FOXP2: variants seen among roughly 807,000 people sequenced by gnomAD.
The protein encoded by FOXP2 is forkhead box protein P2.
A neutral mutation model predicts 115.8 loss-of-function variants in FOXP2; 12 were observed. The ratio of observed to expected loss-of-function variants is 0.10; its 90% CI spans 0.07 to 0.17. The LOEUF is 0.17. FOXP2 is among the 10% of genes least tolerant of loss of function. The probability of loss-of-function intolerance (pLI) is 1.00; values close to 1 mark genes in which losing one functional copy is unlikely to be tolerated. For missense variants in FOXP2, 629 were observed against 843.5 expected, an observed-to-expected ratio of 0.75 and a Z score of 3.15; for synonymous variants, 328 against 297.7, an observed-to-expected ratio of 1.10 and a Z score of -1.05.
At chr7:114,323,253 T>C (rs1797472675) in intron 2 of FOXP2, among the ~76,000 whole-genome samples, 1 of 152,114 alleles carries the variant, frequency 6.6e-6, no homozygotes, top group South Asian at 2.1e-4. Context: ...ATAGTTCCTA[T>C]TACCGGAGGT....
chr7:114,526,348 G>A (rs781027616), intron 2 of FOXP2, among the ~76,000 whole-genome samples: 6 of 150,830 alleles, frequency 4.0e-5, no homozygotes, highest in Non-Finnish European at 8.9e-5. Context: ...GTGGAGGCAC[G>A]CGCCTGTAAT....
chr7:114,653,786 A>T, intron 9 of FOXP2, 140 bp from the exon 10 acceptor site: 4 of 907,928 alleles, frequency 4.4e-6, no homozygotes, highest in Non-Finnish European at 7.1e-6. Context: ...ATTTCCTCCC[A>T]GATAAGTTCC....
intron 16 of FOXP2, among the ~76,000 whole-genome samples, chr7:114,685,116 C>T (rs773209491): frequency 1.3e-5 from 2 of 152,090 alleles, no homozygotes; most frequent in African/African-American, 2.4e-5. Context: ...CACAAGCACA[C>T]ATGCTTATGT....
rs28721565 is a variant in FOXP2 at position 114,196,020 on chromosome 7, T to G, written c.-102+32932T>G. Among the ~76,000 whole-genome samples the G allele has an allele frequency of 2.5e-3, 377 of 152,106 alleles. 2 individuals are homozygous for G. The highest frequency in any genetic ancestry group is 8.8e-3 in the African/African-American group (366 of 41,444). ...ATTTTAAAAAATTAATTAATTAATT[T>G]ATTTATTTATTGCGGCAGAGTCTCG... is the stretch of plus-strand genomic sequence containing the variant. On this transcript the variant is annotated intron_variant, in intron 1 of 17. Coordinates refer to the FOXP2 transcript ENST00000634411.
intron 2 of FOXP2, among the ~76,000 whole-genome samples, chr7:114,406,541 G>A (rs1169318177): frequency 6.6e-6 from 1 of 151,888 alleles, no homozygotes; most frequent in Non-Finnish European, 1.5e-5. Flanking sequence ...AAAACACCAT[G>A]CACTGTAAAA....
intron 1 of FOXP2, among the ~76,000 whole-genome samples, chr7:114,132,015 A>G (rs1021219581): frequency 1.3e-5 from 2 of 152,272 alleles, no homozygotes; most frequent in African/African-American, 4.8e-5. Flanking sequence ...TGTAGTTGTT[A>G]GTCTTTATTG....
intron 2 of FOXP2, among the ~76,000 whole-genome samples, chr7:114,522,027 T>C (rs1798648535): frequency 6.6e-6 from 1 of 152,224 alleles, no homozygotes; most frequent in South Asian, 2.1e-4. Context: ...AGGTGCCAGC[T>C]ACTATGCTGT....
Position 114,146,288 on chromosome 7 carries a change from A to G in FOXP2, c.-246-16656A>G, listed in dbSNP as rs544424975. ...TAACTCGTACATGCTTAGCGTTCCA[A>G]TAATGGAACACTAGGCATAATACAT... is the stretch of plus-strand genomic sequence containing the variant. On this transcript the variant is annotated intron_variant, in intron 1 of 19. Coordinates refer to the FOXP2 transcript ENST00000635638. 7.9e-5 allele frequency among the ~76,000 whole-genome samples: 12 copies of G among 152,328 alleles called. No individual in the cohort carries two copies. In the East Asian group the frequency reaches 1.5e-3, roughly 20 times the overall value.
chr7:114,532,867 T>C (rs905782850), intron 2 of FOXP2, among the ~76,000 whole-genome samples: 2 of 151,962 alleles, frequency 1.3e-5, no homozygotes, highest in East Asian at 1.9e-4. Flanking sequence ...ACACCTATTG[T>C]AATTTCCATT....
chr7:114,623,210 G>A (rs1645569483), intron 3 of FOXP2, among the ~76,000 whole-genome samples: 1 of 151,972 alleles, frequency 6.6e-6, no homozygotes, highest in African/African-American at 2.4e-5. Context: ...AAGATATGCA[G>A]TAACTTCTTT....
chr7:114,251,813 A>C (rs1423765069), intron 1 of FOXP2, among the ~76,000 whole-genome samples: 1 of 152,188 alleles, frequency 6.6e-6, no homozygotes, highest in East Asian at 1.9e-4. Flanking sequence ...CCTGGCCACA[A>C]CTTCCAACAC....
chr7:114,159,791 A>G (rs551798432), upstream of FOXP2, among the ~76,000 whole-genome samples: 1 of 152,304 alleles, frequency 6.6e-6, no homozygotes, highest in Non-Finnish European at 1.5e-5. Flanking sequence ...CAACTTGCAA[A>G]AGACAGATTA....
At chr7:114,404,987 G>A (rs1469679544) in intron 2 of FOXP2, among the ~76,000 whole-genome samples, 6 of 151,830 alleles carry the variant, frequency 4.0e-5, no homozygotes, top group South Asian at 2.1e-4. Context: ...ATTAGTTAGC[G>A]AAAGAACCAA....
intron 1 of FOXP2, among the ~76,000 whole-genome samples, chr7:114,166,472 A>T (rs1234919187): frequency 6.6e-6 from 1 of 152,150 alleles, no homozygotes; most frequent in Non-Finnish European, 1.5e-5. Context: ...GGGAGTTCCG[A>T]CGTGGGCAGA....
At position 114,336,482 on chromosome 7, in the gene FOXP2, CAA is replaced by C. The variant is rs1797856606; in HGVS notation, c.-11+48374_-11+48375del. Among the ~76,000 whole-genome samples, 4 of 151,476 alleles carry C rather than the reference CAA, an allele frequency of 2.6e-5. No individual in the cohort carries two copies. In the South Asian group the frequency reaches 8.3e-4, roughly 31 times the overall value. On this transcript the variant is annotated intron_variant, in intron 2 of 17. Coordinates refer to the FOXP2 transcript ENST00000634411. ...TATATTATTCTATGTAATCATTTCTCAAGTCTGTCTTTAAACAAATAGTTACA... is the reference window on the plus strand; with the variant it reads ...TATATTATTCTATGTAATCATTTCTCGTCTGTCTTTAAACAAATAGTTACA...
intron 3 of FOXP2, among the ~76,000 whole-genome samples, chr7:114,535,715 G>T (rs1039144537): frequency 6.6e-6 from 1 of 151,468 alleles, no homozygotes; most frequent in African/African-American, 2.4e-5. Context: ...TGGATAAAAT[G>T]TATGGTCCCT....
intron 2 of FOXP2, among the ~76,000 whole-genome samples, chr7:114,312,382 C>T (rs1272386288): frequency 6.6e-6 from 1 of 152,092 alleles, no homozygotes; most frequent in African/African-American, 2.4e-5. Flanking sequence ...TATCTTAACT[C>T]CCATTCATTA....
intron 1 of FOXP2, among the ~76,000 whole-genome samples, chr7:114,422,125 C>A (rs1197490940): frequency 6.6e-6 from 1 of 151,470 alleles, no homozygotes; most frequent in Non-Finnish European, 1.5e-5. Flanking sequence ...AAATTTGATG[C>A]CTTACTTTTC....
At chr7:114,185,841 G>C (rs971998103) in intron 1 of FOXP2, among the ~76,000 whole-genome samples, 3 of 152,078 alleles carry the variant, frequency 2.0e-5, no homozygotes, top group Non-Finnish European at 4.4e-5. Flanking sequence ...GAGGAAATAG[G>C]TGTTTTAGTA....
Sources: allele counts gnomAD v4.1 joint callset (sites outside exome capture counted in the v4.1 genomes callset), GRCh38; gene constraint gnomAD v4.1.1; transcripts MANE v1.5; gene names NCBI Gene and HGNC (gene_info 2026-07-23, HGNC 2026-07-21).